The following SMAP1 variants were observed in gnomAD, a reference collection of about 807,000 sequenced individuals.
SMAP1 encodes stromal membrane-associated protein 1.
In SMAP1, 24 loss-of-function variants were observed where a neutral mutation model predicts 58.5. That is an observed-to-expected ratio of 0.41 (90% CI 0.30 to 0.58). The LOEUF (loss-of-function observed/expected upper bound fraction) is 0.58. Among genes scored for constraint, SMAP1 ranks in the 20% least tolerant of loss-of-function variants. The pLI, the probability that SMAP1 is intolerant of heterozygous loss-of-function variation, is 0.29. For synonymous variants in SMAP1, 216 were observed against 196.6 expected, an observed-to-expected ratio of 1.10 and a Z score of -0.82; for missense variants, 563 against 566.3, an observed-to-expected ratio of 0.99 and a Z score of 0.06.
intron 1 of SMAP1, among the ~76,000 whole-genome samples, chr6:70,705,920 G>A (rs1767820263): frequency 6.6e-6 from 1 of 152,152 alleles, no homozygotes; most frequent in South Asian, 2.1e-4. Context: ...GTTCTTTGTA[G>A]AAGAGCTGTT....
At position 70,812,442 on chromosome 6, in the gene SMAP1, G is replaced by A. The variant is rs1223175691; in HGVS notation, c.576+13705G>A. On this transcript the variant is annotated intron_variant, in intron 6 of 10. Transcript: ENST00000370455. ...GGATAAAAATTTGATTAGACATGTA[G>A]TCTTGAGCCACAGAAACCATTGGCC... Among the ~76,000 whole-genome samples the A allele has an allele frequency of 2.0e-5, 3 of 152,170 alleles. No individual in the cohort carries two copies. The East Asian group carries it at 5.8e-4, about 29-fold the overall frequency.
chr6:70,772,703 G>A (rs1406854165), intron 3 of SMAP1, among the ~76,000 whole-genome samples: 3 of 152,136 alleles, frequency 2.0e-5, no homozygotes, highest in East Asian at 1.9e-4. Context: ...GAAGACTAAC[G>A]TTGGCTTTAT....
intron 1 of SMAP1, among the ~76,000 whole-genome samples, chr6:70,702,403 GTTTA>G (rs1328183344): frequency 2.0e-5 from 3 of 151,562 alleles, no homozygotes; most frequent in Non-Finnish European, 4.4e-5. Flanking sequence ...GAGGGGGTCT[GTTTA>G]TTTGTTTCAT....
At chr6:70,799,892 A>G (rs544486963) in intron 6 of SMAP1, among the ~76,000 whole-genome samples, 1 of 152,256 alleles carries the variant, frequency 6.6e-6, no homozygotes, top group East Asian at 1.9e-4. Context: ...CATCAAAGTA[A>G]TTTCACATTC....
intron 1 of SMAP1, among the ~76,000 whole-genome samples, chr6:70,706,714 G>C (rs1767854234): frequency 1.3e-5 from 2 of 152,142 alleles, no homozygotes; most frequent in African/African-American, 4.8e-5. Context: ...TGTACCACCA[G>C]ATGGCGCTCT....
chr6:70,832,526 T>C (rs1770403971), intron 6 of SMAP1, among the ~76,000 whole-genome samples: 1 of 152,248 alleles, frequency 6.6e-6, no homozygotes, highest in African/African-American at 2.4e-5. Context: ...GCAAAGATTT[T>C]CTTTATTCCA....
chr6:70,807,845 A>G (rs997372011), intron 6 of SMAP1, among the ~76,000 whole-genome samples: 2 of 152,050 alleles, frequency 1.3e-5, no homozygotes, highest in African/African-American at 4.8e-5. Flanking sequence ...GCCGTTGAAA[A>G]TCCTCATATA....
In SMAP1 at chr6:70,737,757, G is replaced by A. The variant is rs183629403; in HGVS notation, c.252+5246G>A. ...GTTTGATTAAATTCTGTGAGATAAC[G>A]CTTATTATCCTTAGCGATGAATGGG... On this transcript the variant is annotated intron_variant, in intron 2 of 10. Transcript: ENST00000370455. Among the ~76,000 whole-genome samples the A allele has an allele frequency of 1.5e-3, 229 of 152,194 alleles. 1 individual carries two copies. Among genetic ancestry groups the A allele is most frequent in the Admixed American group, 9.9e-3 (151 of 15,278 alleles).
intron 7 of SMAP1, among the ~76,000 whole-genome samples, chr6:70,849,750 C>G (rs1368262444): frequency 6.6e-6 from 1 of 152,130 alleles, no homozygotes; most frequent in Non-Finnish European, 1.5e-5. Flanking sequence ...ATAAAATTTA[C>G]CATTTTAAAT....
intron 8 of SMAP1, chr6:70,856,599 C>A (rs184430107): frequency 3.6e-6 from 1 of 278,456 alleles, no homozygotes; most frequent in Non-Finnish European, 6.7e-6. Flanking sequence ...CTTGGTGTCA[C>A]CTTAGGTAGT....
In SMAP1 at chr6:70,684,506, C is replaced by A. The variant is rs182938689; in HGVS notation, c.118+16365C>A. ...GGATTATGGATTCTTAAAAATTAAG[C>A]TTCATTTTCATTTCTCCTTTTATTT... On this transcript the variant is annotated intron_variant, in intron 1 of 10. Coordinates refer to ENST00000370455, the MANE Select transcript of SMAP1 (RefSeq NM_001044305.3). Among the ~76,000 whole-genome samples, 228 of 152,248 alleles carry A rather than the reference C, an allele frequency of 1.5e-3. 4 individuals are homozygous for A. The highest frequency in any genetic ancestry group is 5.4e-3 in the African/African-American group (224 of 41,546).
intron 7 of SMAP1, among the ~76,000 whole-genome samples, chr6:70,852,120 C>T (rs762481846): frequency 6.6e-5 from 10 of 152,050 alleles, no homozygotes; most frequent in Non-Finnish European, 1.2e-4. Context: ...TCAAATTCCA[C>T]CTTAGCCCCT....
At chr6:70,786,341 A>G (rs1768026991) in intron 4 of SMAP1, among the ~76,000 whole-genome samples, 1 of 145,590 alleles carries the variant, frequency 6.9e-6, no homozygotes, top group Non-Finnish European at 1.5e-5. Flanking sequence ...CCCACAGCCA[A>G]TATCATACTG....
intron 4 of SMAP1, among the ~76,000 whole-genome samples, chr6:70,788,093 A>G (rs4707854): frequency 0.23 from 35,256 of 151,814 alleles, 5,091 homozygotes; most frequent in Non-Finnish European, 0.32. Flanking sequence ...AATGTGGCGC[A>G]TATACACCAT....
chr6:70,805,271 C>G (rs1055976285), intron 6 of SMAP1, among the ~76,000 whole-genome samples: 1 of 152,042 alleles, frequency 6.6e-6, no homozygotes, highest in Non-Finnish European at 1.5e-5. Context: ...CACTGATATC[C>G]TTCCTTCCAC....
intron 3 of SMAP1, among the ~76,000 whole-genome samples, chr6:70,768,971 A>G (rs1437642800): frequency 6.6e-6 from 1 of 152,012 alleles, no homozygotes; most frequent in African/African-American, 2.4e-5. Flanking sequence ...CGTTGGTTTC[A>G]AAGAACATCT....
At chr6:70,749,456 G>T (rs1245362541) in intron 2 of SMAP1, among the ~76,000 whole-genome samples, 2 of 152,166 alleles carry the variant, frequency 1.3e-5, no homozygotes, top group Admixed American at 6.5e-5. Flanking sequence ...GCATCCTTCT[G>T]TTAAACATTG....
intron 8 of SMAP1, among the ~76,000 whole-genome samples, chr6:70,854,850 T>A (rs1771337035): frequency 6.6e-6 from 1 of 152,124 alleles, no homozygotes; most frequent in Non-Finnish European, 1.5e-5. Context: ...TATATACAAA[T>A]TCTAGTACAA....
chr6:70,826,483 G>A (rs1440089466), intron 6 of SMAP1, among the ~76,000 whole-genome samples: 1 of 152,002 alleles, frequency 6.6e-6, no homozygotes, highest in African/African-American at 2.4e-5. Flanking sequence ...AACAGTTCCT[G>A]GCTGGCATGG....
Sources: gnomAD v4.1 joint callset for allele counts (sites outside exome capture counted in the v4.1 genomes callset) on GRCh38, gnomAD v4.1.1 for gene constraint, MANE v1.5 for transcripts, NCBI Gene and HGNC (gene_info 2026-07-23, HGNC 2026-07-21) for gene names.